Variants in SLC1A1 observed in about 807,000 individuals in gnomAD.
The protein encoded by SLC1A1 is excitatory amino acid transporter 3.
In SLC1A1, 43 loss-of-function variants were observed where a neutral mutation model predicts 53.3. The observed-to-expected ratio is 0.81, with a 90% CI of 0.63 to 1.04. The LOEUF is 1.04. Among genes scored for constraint, SLC1A1 ranks in the 50% least tolerant of loss-of-function variants. The pLI is 0.00. For synonymous variants in SLC1A1, 307 were observed against 243.2 expected, an observed-to-expected ratio of 1.26 and a Z score of -2.44; for missense variants, 748 against 664.9, an observed-to-expected ratio of 1.12 and a Z score of -1.37.
chr9:4,505,937 C>A (rs1288220561), intron 1 of SLC1A1, among the ~76,000 whole-genome samples: 2 of 152,248 alleles, frequency 1.3e-5, no homozygotes, highest in Non-Finnish European at 2.9e-5. Context: ...GATTCTCCTG[C>A]CTCAGCTTCC....
In SLC1A1 at chr9:4,585,426, T is replaced by G. The variant is rs1821503420; in HGVS notation, c.1443T>G (p.Ile481Met). The change falls in exon 12 of 12, where the codon ATT becomes ATG. Residue 481 changes from isoleucine (I) to methionine (M), a missense_variant. Coordinates refer to ENST00000262352, the MANE Select transcript of SLC1A1 (RefSeq NM_004170.6). ...TGGATGTTTCATCTGAAGTCAACAT[T>G]GTGAATCCCTTTGCCTTGGAATCCA... is the stretch of plus-strand genomic sequence containing the variant. ...EQMDVSSEVN[I>M]VNPFALESTI... 4 of 1,614,224 alleles carry G rather than the reference T, an allele frequency of 2.5e-6. No homozygotes were observed. Among genetic ancestry groups the G allele is most frequent in the Non-Finnish European group, 3.4e-6 (4 of 1,180,044 alleles).
chr9:4,580,372 G>A (rs1456972648), intron 10 of SLC1A1, among the ~76,000 whole-genome samples: 1 of 152,148 alleles, frequency 6.6e-6, no homozygotes, highest in Admixed American at 6.5e-5. Flanking sequence ...CTTTAGCCCA[G>A]GAGTTTGAGA....
chr9:4,507,823 AC>A (rs1278305273), intron 1 of SLC1A1, among the ~76,000 whole-genome samples: 30 of 152,104 alleles, frequency 2.0e-4, no homozygotes, highest in Admixed American at 2.0e-3. Flanking sequence ...CTTAAGTTGT[AC>A]CTGACTAAAA....
chr9:4,493,997 G>T (rs897342400), intron 1 of SLC1A1, among the ~76,000 whole-genome samples: 3 of 152,124 alleles, frequency 2.0e-5, no homozygotes, highest in African/African-American at 7.2e-5. Context: ...CAAGATGAAG[G>T]GATTCAATAG....
At chr9:4,491,814 G>C (rs1820246111) in intron 1 of SLC1A1, among the ~76,000 whole-genome samples, 1 of 152,194 alleles carries the variant, frequency 6.6e-6, no homozygotes, top group Non-Finnish European at 1.5e-5. Context: ...TGCTGAAAAG[G>C]CAAGTGGGGA....
Position 4,566,103 on chromosome 9 carries a change from C to T in SLC1A1, c.483+14C>T, listed in dbSNP as rs1819461501. The T allele has an allele frequency of 3.1e-6, 5 of 1,605,722 alleles. No individual in the cohort carries two copies. Among genetic ancestry groups the T allele is most frequent in the African/African-American group, 1.3e-5 (1 of 74,724 alleles). On this transcript the variant is annotated intron_variant, in intron 5 of 11. Transcript: ENST00000262352. ...TGTTTTCAGCAGGTAATATTAATTACTTGTGCCCTTAACTTGCTACCCTCT... is the reference window on the plus strand; with the variant it reads ...TGTTTTCAGCAGGTAATATTAATTATTTGTGCCCTTAACTTGCTACCCTCT...
Position 4,585,722 on chromosome 9 carries a change from C to A in SLC1A1, c.*164C>A. 1 of 897,650 alleles carries A rather than the reference C, an allele frequency of 1.1e-6. No individual in the cohort carries two copies. Among genetic ancestry groups the A allele is most frequent in the Non-Finnish European group, 1.7e-6 (1 of 589,814 alleles). 55.6% of individuals were successfully genotyped at this position (897,650 alleles called of 1,614,324 possible). On this transcript the variant is annotated 3_prime_UTR_variant, in exon 12 of 12. Coordinates refer to ENST00000262352, the MANE Select transcript of SLC1A1 (RefSeq NM_004170.6). ...TATTTGGATTCACAGCCTTTGCGCT[C>A]TGGGTTTTGGGATTTGGGTGTGGGG... is the stretch of plus-strand genomic sequence containing the variant.
intron 1 of SLC1A1, among the ~76,000 whole-genome samples, chr9:4,528,563 A>G (rs1015324797): frequency 3.5e-4 from 53 of 152,268 alleles, no homozygotes; most frequent in Non-Finnish European, 6.5e-4. Flanking sequence ...GAGACAGAGC[A>G]GGACTCCGTC....
chr9:4,521,442 C>G (rs1173400269), intron 1 of SLC1A1, among the ~76,000 whole-genome samples: 1 of 152,098 alleles, frequency 6.6e-6, no homozygotes, highest in Non-Finnish European at 1.5e-5. Flanking sequence ...AAGCTGTGGT[C>G]ACATCTGGTA....
chr9:4,585,820 T>C lies in SLC1A1; in HGVS notation c.*262T>C. 1 of 489,168 alleles carries C rather than the reference T, an allele frequency of 2.0e-6. No homozygotes were observed. The highest frequency in any genetic ancestry group is 3.7e-6 in the Non-Finnish European group (1 of 269,520). 30.3% of individuals were successfully genotyped at this position (489,168 alleles called of 1,614,324 possible). On this transcript the variant is annotated 3_prime_UTR_variant, in exon 12 of 12. Transcript: ENST00000262352. Reference sequence around the variant, plus strand: ...TTAGAAATTCTATAAGAGACAAAGTTTGGAAGTACATAAAGTAATAACTGT... The same window carrying C: ...TTAGAAATTCTATAAGAGACAAAGTCTGGAAGTACATAAAGTAATAACTGT...
In SLC1A1 at chr9:4,558,184, G is replaced by C. The variant is rs577317709; in HGVS notation, c.233-3265G>C. 5.3e-5 allele frequency among the ~76,000 whole-genome samples: 8 copies of C among 152,148 alleles called. No homozygotes were observed. The East Asian group carries it at 1.4e-3, about 26-fold the overall frequency. On this transcript the variant is annotated intron_variant, in intron 2 of 11. Transcript: ENST00000262352. ...TATTTATAGAGGTTTTCAAAGATTA[G>C]GCTGTTTCCCTGTATCTGTTCTCTC...
chr9:4,555,656 G>C lies in SLC1A1; in HGVS notation c.233-5793G>C, dbSNP rs757875055. Among the ~76,000 whole-genome samples the C allele has an allele frequency of 2.6e-5, 4 of 152,246 alleles. No homozygotes were observed. In the South Asian group the frequency reaches 8.3e-4, roughly 32 times the overall value. ...TTATCCCTGTTTCTAGGCCACAGCC[G>C]AGCCTCAAAACTGTCCCAGGTTCTA... On this transcript the variant is annotated intron_variant, in intron 2 of 11. Transcript: ENST00000262352.
chr9:4,544,325 G>T (rs540726374), intron 1 of SLC1A1, among the ~76,000 whole-genome samples: 2 of 152,230 alleles, frequency 1.3e-5, no homozygotes, highest in South Asian at 4.1e-4. Context: ...TGATAGCGAA[G>T]AAATGACAAC....
intron 1 of SLC1A1, among the ~76,000 whole-genome samples, chr9:4,517,410 T>G (rs185261147): frequency 6.6e-6 from 1 of 152,316 alleles, no homozygotes; most frequent in Non-Finnish European, 1.5e-5. Context: ...AGGAGCAGCG[T>G]CCTCTCTTTG....
chr9:4,572,289 G>C lies in SLC1A1; in HGVS notation c.668G>C (p.Gly223Ala). ...LGLIVFCLVF[G>A]LVIGKMGEKG... ...TTGATTGTCTTTTGCCTTGTCTTTG[G>C]ACTTGTCATTGGAAAAATGGGAGAA... is the stretch of plus-strand genomic sequence containing the variant. The change falls in exon 7 of 12, where the codon GGA becomes GCA. Residue 223 changes from glycine to alanine, a missense_variant. Physicochemically the swap from Gly to Ala is moderately conservative, Grantham distance 60. Coordinates refer to ENST00000262352, the MANE Select transcript of SLC1A1 (RefSeq NM_004170.6). 1 of 1,614,078 alleles carries C rather than the reference G, an allele frequency of 6.2e-7. No individual in the cohort carries two copies. Among genetic ancestry groups the C allele is most frequent in the Non-Finnish European group, 8.5e-7 (1 of 1,179,946 alleles).
At chr9:4,532,111 C>T (rs933793228) in intron 1 of SLC1A1, among the ~76,000 whole-genome samples, 1 of 152,126 alleles carries the variant, frequency 6.6e-6, no homozygotes, top group Non-Finnish European at 1.5e-5. Flanking sequence ...GGGGAAAAAA[C>T]AGAGCAGAAA....
At chr9:4,506,581 T>C (rs1341409448) in intron 1 of SLC1A1, among the ~76,000 whole-genome samples, 4 of 143,456 alleles carry the variant, frequency 2.8e-5, no homozygotes, top group African/African-American at 2.5e-5. Context: ...AAAAAAAAAA[T>C]AGAAATCTAC....
intron 5 of SLC1A1, among the ~76,000 whole-genome samples, 177 bp from the exon 6 acceptor site, chr9:4,567,492 T>G (rs1414358064): frequency 6.6e-6 from 1 of 152,186 alleles, no homozygotes; most frequent in East Asian, 1.9e-4. Context: ...TGCCTCGCTT[T>G]TAGTTCCAAA....
At chr9:4,550,817 A>G (rs982191838) in intron 2 of SLC1A1, among the ~76,000 whole-genome samples, 19 of 152,240 alleles carry the variant, frequency 1.2e-4, no homozygotes, top group African/African-American at 3.6e-4. Flanking sequence ...GGATTTTTCT[A>G]TGAAGGGCCC....
Sources: allele counts gnomAD v4.1 joint callset (sites outside exome capture counted in the v4.1 genomes callset), GRCh38; gene constraint gnomAD v4.1.1; transcripts MANE v1.5; gene names NCBI Gene and HGNC (gene_info 2026-07-23, HGNC 2026-07-21).